The following JAZF1 variants were observed in gnomAD, a reference collection of about 807,000 sequenced individuals.
JAZF1 encodes juxtaposed with another zinc finger protein 1.
In JAZF1, 8 loss-of-function variants were observed where a neutral mutation model predicts 26.4. The observed-to-expected ratio is 0.30, with a 90% CI of 0.18 to 0.55. The LOEUF (loss-of-function observed/expected upper bound fraction) is 0.55. Ranked by LOEUF, JAZF1 falls within the 20% of genes least tolerant of loss-of-function variation. The pLI, the probability that JAZF1 is intolerant of heterozygous loss-of-function variation, is 0.94. For missense variants in JAZF1, 199 were observed against 322.0 expected, an observed-to-expected ratio of 0.62 and a Z score of 2.92; for synonymous variants, 126 against 122.3, an observed-to-expected ratio of 1.03 and a Z score of -0.20.
intron 2 of JAZF1, among the ~76,000 whole-genome samples, chr7:27,969,878 C>T (rs1785345907): frequency 1.3e-5 from 2 of 152,176 alleles, no homozygotes; most frequent in Non-Finnish European, 2.9e-5. Context: ...AATCATCTAG[C>T]ATCTTTTTAC....
At chr7:28,007,649 T>C (rs939263410) in intron 1 of JAZF1, among the ~76,000 whole-genome samples, 1 of 152,236 alleles carries the variant, frequency 6.6e-6, no homozygotes, top group Non-Finnish European at 1.5e-5. Context: ...TGGTTGGTTT[T>C]GGCCTCATTG....
At chr7:27,981,213 C>A (rs1785577849) in intron 2 of JAZF1, among the ~76,000 whole-genome samples, 1 of 152,112 alleles carries the variant, frequency 6.6e-6, no homozygotes, top group African/African-American at 2.4e-5. Flanking sequence ...AATGAGGTGC[C>A]CAGTTCAAGA....
chr7:27,985,342 A>G (rs1464504780), intron 2 of JAZF1, among the ~76,000 whole-genome samples: 2 of 152,354 alleles, frequency 1.3e-5, no homozygotes, highest in East Asian at 1.9e-4. Context: ...CAAATAAACT[A>G]GAACACCTAG....
chr7:28,007,031 C>T (rs1348393955), intron 1 of JAZF1, among the ~76,000 whole-genome samples: 1 of 152,154 alleles, frequency 6.6e-6, no homozygotes, highest in Non-Finnish European at 1.5e-5. Flanking sequence ...TCCAGGCACC[C>T]CACCTTGCCT....
At chr7:27,870,075 ATT>A (rs371770357) in intron 3 of JAZF1, among the ~76,000 whole-genome samples, 10,649 of 120,612 alleles carry the variant, frequency 0.088, 248 homozygotes, top group South Asian at 0.11. Context: ...CACCCGGTTA[ATT>A]TTTTTTTTTT....
At chr7:27,865,941 C>A (rs567773861) in intron 3 of JAZF1, among the ~76,000 whole-genome samples, 2 of 152,280 alleles carry the variant, frequency 1.3e-5, no homozygotes, top group African/African-American at 4.8e-5. Flanking sequence ...TGACTTTGTT[C>A]TAGGGAACAG....
intron 2 of JAZF1, among the ~76,000 whole-genome samples, chr7:27,912,791 T>C (rs1460906754): frequency 1.3e-5 from 2 of 152,112 alleles, no homozygotes; most frequent in Non-Finnish European, 2.9e-5. Flanking sequence ...AGAGGAATTC[T>C]GGGAATTAAA....
At chr7:28,143,240 G>C (rs1437769432) in intron 1 of JAZF1, among the ~76,000 whole-genome samples, 1 of 152,084 alleles carries the variant, frequency 6.6e-6, no homozygotes, top group East Asian at 1.9e-4. Flanking sequence ...TCCCTGCTCA[G>C]GAAGCCCTTC....
intron 2 of JAZF1, among the ~76,000 whole-genome samples, chr7:27,983,915 C>T (rs2128362957): frequency 6.6e-6 from 1 of 152,270 alleles, no homozygotes; most frequent in Non-Finnish European, 1.5e-5. Context: ...GATTTTGTCA[C>T]CACCAGGCCT....
chr7:28,135,268 C>T (rs949989035), intron 1 of JAZF1, among the ~76,000 whole-genome samples: 1 of 140,896 alleles, frequency 7.1e-6, no homozygotes, highest in African/African-American at 3.2e-5. Flanking sequence ...AGCCCTCTCT[C>T]CTCAACTGGC....
rs145983006 is a variant in JAZF1 at position 28,000,061 on chromosome 7, C to T, written c.116-8080G>A. Among the ~76,000 whole-genome samples, 372 of 152,132 alleles carry T rather than the reference C, an allele frequency of 2.4e-3. 4 individuals are homozygous for T. Among genetic ancestry groups the T allele is most frequent in the African/African-American group, 8.6e-3 (358 of 41,494 alleles). On this transcript the variant is annotated intron_variant, in intron 1 of 4. Transcript: ENST00000283928. ...GTAGCGAATCATTCACAGGTGAGGG[C>T]GGGAAACCTAAGAACAGCATAGGGG... is the stretch of plus-strand genomic sequence containing the variant.
At chr7:27,956,866 A>G (rs1452731517) in intron 2 of JAZF1, among the ~76,000 whole-genome samples, 2 of 152,230 alleles carry the variant, frequency 1.3e-5, no homozygotes, top group East Asian at 3.8e-4. Flanking sequence ...GAGGCTAGAG[A>G]GGCAGTAAAC....
intron 1 of JAZF1, among the ~76,000 whole-genome samples, chr7:27,993,026 A>G (rs1785934853): frequency 6.6e-6 from 1 of 152,312 alleles, no homozygotes; most frequent in South Asian, 2.1e-4. Context: ...GGCAGAGAAC[A>G]CGGGTGGCAA....
chr7:28,026,845 C>G (rs187916145), intron 1 of JAZF1, among the ~76,000 whole-genome samples: 1 of 152,186 alleles, frequency 6.6e-6, no homozygotes, highest in Non-Finnish European at 1.5e-5. Flanking sequence ...AGGAGATGTC[C>G]GCAGAATGGC....
intron 1 of JAZF1, among the ~76,000 whole-genome samples, chr7:28,121,812 C>T (rs1782609579): frequency 6.6e-6 from 1 of 152,198 alleles, no homozygotes; most frequent in South Asian, 2.1e-4. Context: ...TTTTACACAG[C>T]TTTCCCATTA....
intron 2 of JAZF1, among the ~76,000 whole-genome samples, chr7:27,945,773 T>C (rs1784917241): frequency 6.6e-6 from 1 of 152,202 alleles, no homozygotes; most frequent in Non-Finnish European, 1.5e-5. Flanking sequence ...AAGCAACTTA[T>C]TTCTGAGAGT....
chr7:28,043,784 G>A (rs1783446233), intron 1 of JAZF1, among the ~76,000 whole-genome samples: 1 of 151,890 alleles, frequency 6.6e-6, no homozygotes, highest in African/African-American at 2.4e-5. Flanking sequence ...TTCTTACAGT[G>A]GTATATTATT....
At chr7:27,854,163 G>GA (rs1783202298) in intron 3 of JAZF1, among the ~76,000 whole-genome samples, 1 of 152,166 alleles carries the variant, frequency 6.6e-6, no homozygotes, top group African/African-American at 2.4e-5. Context: ...CTGGTTTAAA[G>GA]TCTGTTTTAC....
chr7:27,924,520 A>C (rs1171632579), intron 2 of JAZF1, among the ~76,000 whole-genome samples: 1 of 152,194 alleles, frequency 6.6e-6, no homozygotes, highest in Non-Finnish European at 1.5e-5. Context: ...ACTTTTCACA[A>C]TCTCTCACAA....
Sources: allele counts gnomAD v4.1 joint callset (sites outside exome capture counted in the v4.1 genomes callset), GRCh38; gene constraint gnomAD v4.1.1; transcripts MANE v1.5; gene names NCBI Gene and HGNC (gene_info 2026-07-23, HGNC 2026-07-21).